The following YJU2B variants were observed in gnomAD, a reference collection of about 807,000 sequenced individuals.
YJU2B encodes the protein probable splicing factor YJU2B.
YJU2B carries 18 observed loss-of-function variants against 38.0 expected under a neutral mutation model. That is an observed-to-expected ratio of 0.47 (90% CI 0.33 to 0.70). The LOEUF is 0.70. Ranked by LOEUF, YJU2B falls within the 30% of genes least tolerant of loss-of-function variation. The pLI is 0.02. For missense variants in YJU2B, 538 were observed against 556.3 expected, an observed-to-expected ratio of 0.97 and a Z score of 0.33; for synonymous variants, 246 against 225.4, an observed-to-expected ratio of 1.09 and a Z score of -0.82.
At chr19:13,759,358 T>G in intron 8 of YJU2B, 86 bp downstream of exon 8, 5 of 1,119,050 alleles carry the variant, frequency 4.5e-6, no homozygotes, top group Non-Finnish European at 6.3e-6. Context: ...CATCCTAGCT[T>G]TGAGCAGGCC....
chr19:13,752,170 G>C (rs1446839542), intron 2 of YJU2B, among the ~76,000 whole-genome samples: 2 of 151,832 alleles, frequency 1.3e-5, no homozygotes, highest in African/African-American at 4.8e-5. Flanking sequence ...GGTCAGGCTG[G>C]TCTGAAACTC....
chr19:13,748,330 C>T (rs1340584512), intron 1 of YJU2B, among the ~76,000 whole-genome samples: 1 of 152,130 alleles, frequency 6.6e-6, no homozygotes, highest in African/African-American at 2.4e-5. Flanking sequence ...CGGCGTCAGG[C>T]GCTGCCCTGA....
chr19:13,745,690 G>T (rs866268542), upstream of YJU2B, among the ~76,000 whole-genome samples: 6 of 90,674 alleles, frequency 6.6e-5, no homozygotes, highest in Non-Finnish European at 1.1e-4. Context: ...TAGATAGATA[G>T]ATATAGATAT....
chr19:13,756,086 C>T (rs1258501374), intron 3 of YJU2B, 111 bp from the exon 4 acceptor site: 5 of 817,206 alleles, frequency 6.1e-6, no homozygotes, highest in African/African-American at 1.7e-5. Flanking sequence ...ACATAAGAAT[C>T]AAGGCCTCTC....
At position 13,762,401 on chromosome 19, in the gene YJU2B, A is replaced by G; in HGVS notation, c.676A>G (p.Lys226Glu). The G allele has an allele frequency of 1.2e-6, 2 of 1,613,596 alleles. No homozygotes were observed. Among genetic ancestry groups the G allele is most frequent in the Non-Finnish European group, 1.7e-6 (2 of 1,180,016 alleles). The change falls in exon 9 of 10, where the codon AAG (lysine) becomes GAG (glutamate). Residue 226 changes from lysine to glutamate, a missense_variant. Around this residue, in one of 2 missense-constraint regions of YJU2B, gnomAD observed 488 missense variants for 469.5 expected, o/e 1.04. Transcript: ENST00000221554. ...GGTGCCCGAGACGGAAGATGACCGC[A>G]AGCTGGCGGCTCTGCTGAAGTTCCA... ...PLVPETEDDRKLAALLKFHTL... is the reference protein window; with the variant it reads ...PLVPETEDDRELAALLKFHTL...
intron 8 of YJU2B, 37 bp from the exon 9 acceptor site, chr19:13,762,262 C>A (rs780948358): frequency 1.2e-6 from 2 of 1,604,436 alleles, no homozygotes; most frequent in East Asian, 4.5e-5. Flanking sequence ...AGGGCTTTGA[C>A]ACCCCCTATC....
chr19:13,749,113 C>T (rs1026312893), intron 1 of YJU2B, among the ~76,000 whole-genome samples: 1 of 152,232 alleles, frequency 6.6e-6, no homozygotes, highest in Admixed American at 6.5e-5. Context: ...AAGCGATTCT[C>T]CTGCCTCAGC....
At chr19:13,751,862 A>T in intron 2 of YJU2B, 51 bp downstream of exon 2, 1 of 1,595,686 alleles carries the variant, frequency 6.3e-7, no homozygotes, top group South Asian at 1.1e-5. Context: ...TCTTTGTAGG[A>T]CCCTGGAAGC....
Position 13,763,246 on chromosome 19 carries a change from G to A in YJU2B, c.*178G>A, listed in dbSNP as rs966067216. On this transcript the variant is annotated 3_prime_UTR_variant, in exon 10 of 10. Transcript: ENST00000221554. ...TTATTTATTTGGTCCTGGTGAGGGT[G>A]TTTGTGCCTTGTGAGACTCCGTACA... is the stretch of plus-strand genomic sequence containing the variant. 1.8e-6 allele frequency: 1 copy of A among 558,144 alleles called. No individual in the cohort carries two copies. Among genetic ancestry groups the A allele is most frequent in the African/African-American group, 1.9e-5 (1 of 52,706 alleles). 34.6% of individuals were successfully genotyped at this position (558,144 alleles called of 1,614,324 possible).
Position 13,762,299 on chromosome 19 carries a change from GA to G in YJU2B, c.578del (p.Lys193ArgfsTer21). 1.2e-6 allele frequency: 2 copies of G among 1,613,320 alleles called. No homozygotes were observed. Among genetic ancestry groups the G allele is most frequent in the Non-Finnish European group, 1.7e-6 (2 of 1,179,914 alleles). ...CTGGTGTTCTTGGCCCTCAACACAG[GA>G]AAAGAAAAAAGCCATCCAGGAGGAG... ...LNSMLRRRFR[E>X]KKKAIQEEEE... On this transcript the variant is annotated frameshift_variant and splice_region_variant, in exon 9 of 10. Coordinates refer to ENST00000221554, the MANE Select transcript of YJU2B (RefSeq NM_030818.4). LOFTEE classifies it high-confidence loss of function.
At chr19:13,739,025 C>T (rs1973028147) in intron 2 of YJU2B, among the ~76,000 whole-genome samples, 1 of 152,080 alleles carries the variant, frequency 6.6e-6, no homozygotes, top group Non-Finnish European at 1.5e-5. Flanking sequence ...GATTGCACCA[C>T]TGCACTCCAG....
At chr19:13,745,740 TATAG>T (rs1172150995), upstream of YJU2B, among the ~76,000 whole-genome samples, 2,764 of 92,850 alleles carry the variant, frequency 0.03, 100 homozygotes, top group African/African-American at 0.07. Context: ...TATATATATA[TATAG>T]ATATATATAT....
In YJU2B at chr19:13,763,021, C is replaced by T; in HGVS notation, c.1144C>T (p.Leu382Phe). ...CCCCGACACGCGGCACCCCTGCAGT[C>T]TCGGCTCCTCCCTCGTGGCGGACTA... ...DTPDTRHPCS[L>F]GSSLVADYSD... The change falls in exon 10 of 10, where the codon CTC (leucine) becomes TTC (phenylalanine). Residue 382 changes from leucine to phenylalanine, a missense_variant. By Grantham distance (22) the Leu-to-Phe change is conservative. This residue lies in a region of YJU2B where 488 missense variants were observed against 469.5 expected (regional missense o/e 1.04). Coordinates refer to ENST00000221554, the MANE Select transcript of YJU2B (RefSeq NM_030818.4). 6.3e-7 allele frequency: 1 copy of T among 1,588,656 alleles called. No individual in the cohort carries two copies.
At chr19:13,738,892 C>CAAAA (rs527948929) in intron 2 of YJU2B, among the ~76,000 whole-genome samples, 2 of 55,436 alleles carry the variant, frequency 3.6e-5, no homozygotes, top group Admixed American at 2.2e-4. Flanking sequence ...GACTCTGTCT[C>CAAAA]AAAAAAAAAA....
intron 1 of YJU2B, among the ~76,000 whole-genome samples, chr19:13,749,247 A>T (rs1364817074): frequency 6.6e-6 from 1 of 152,054 alleles, no homozygotes; most frequent in East Asian, 1.9e-4. Flanking sequence ...CAAGTGATCC[A>T]CCTGCCTCAG....
At chr19:13,734,241 C>G (rs1262771281) in intron 2 of YJU2B, among the ~76,000 whole-genome samples, 1 of 151,802 alleles carries the variant, frequency 6.6e-6, no homozygotes, top group African/African-American at 2.4e-5. Context: ...AATTCTTTAA[C>G]CATTGTCCTC....
rs558217873 is a variant in YJU2B, at chr19:13,739,174, G to A, written c.-202+6889G>A. Among the ~76,000 whole-genome samples the A allele has an allele frequency of 2.5e-4, 38 of 152,156 alleles. No homozygotes were observed. The East Asian group carries it at 5.4e-3, about 22-fold the overall frequency. On this transcript the variant is annotated intron_variant, in intron 2 of 10. Coordinates refer to the YJU2B transcript ENST00000586600. ...GTCTTTAACCTTTTTAAGAGACAGGGTCTCTCTGTCACCCATACTGAAGTA... is the reference window on the plus strand; with the variant it reads ...GTCTTTAACCTTTTTAAGAGACAGGATCTCTCTGTCACCCATACTGAAGTA...
Position 13,757,701 on chromosome 19 carries a change from C to CA in YJU2B, c.197-84dup, listed in dbSNP as rs902182330. On this transcript the variant is annotated intron_variant, in intron 5 of 9. Transcript: ENST00000221554. ...TAGTTGGGGAACCCTCAGCAAGTGA[C>CA]AGTGAGCCTCTTTGTACCTCATTTT... The CA allele has an allele frequency of 2.2e-6, 3 of 1,374,886 alleles. No homozygotes were observed. The African/African-American group carries it at 4.3e-5, about 20-fold the overall frequency. The allele number at this position is 1,374,886 out of a possible 1,614,324, so 85.2% of individuals were successfully genotyped here. A position where few individuals can be genotyped will look rare whatever the true frequency, so the allele number is the denominator to read the frequency against.
At chr19:13,741,394 C>T (rs779289057) in intron 2 of YJU2B, among the ~76,000 whole-genome samples, 1 of 151,390 alleles carries the variant, frequency 6.6e-6, no homozygotes, top group Non-Finnish European at 1.5e-5. Context: ...ACCTCATGAT[C>T]GGCCCACCTC....
Sources: allele counts gnomAD v4.1 joint callset (sites outside exome capture counted in the v4.1 genomes callset), GRCh38; gene constraint gnomAD v4.1.1; regional missense constraint gnomAD v4.1.1; transcripts MANE v1.5; gene names NCBI Gene and HGNC (gene_info 2026-07-23, HGNC 2026-07-21).